The following LDAH variants were observed in gnomAD, a reference collection of about 807,000 sequenced individuals.
LDAH encodes the protein lipid droplet-associated hydrolase.
LDAH carries 26 observed loss-of-function variants against 29.6 expected under a neutral mutation model. That is an observed-to-expected ratio of 0.88 (90% CI 0.64 to 1.22). The LOEUF is 1.22. Ranked by LOEUF, LDAH falls within the 50% of genes most tolerant of loss-of-function variation. LDAH has a pLI of 0.00. For synonymous variants in LDAH, 117 were observed against 133.0 expected, an observed-to-expected ratio of 0.88 and a Z score of 0.83; for missense variants, 344 against 387.3, an observed-to-expected ratio of 0.89 and a Z score of 0.94.
chr2:20,713,876 T>C (rs1238020781), intron 5 of LDAH, among the ~76,000 whole-genome samples: 4 of 152,136 alleles, frequency 2.6e-5, no homozygotes, highest in African/African-American at 9.7e-5. Context: ...CCTAGATTCA[T>C]AAAGGAAGTC....
At chr2:20,726,560 G>A (rs1666030017) in intron 5 of LDAH, among the ~76,000 whole-genome samples, 1 of 152,070 alleles carries the variant, frequency 6.6e-6, no homozygotes. Flanking sequence ...TTCTTCCAAG[G>A]GAAAATTCTT....
chr2:20,735,331 C>G (rs1400416731), intron 5 of LDAH, among the ~76,000 whole-genome samples: 1 of 152,066 alleles, frequency 6.6e-6, no homozygotes, highest in East Asian at 1.9e-4. Context: ...TATTTTCTCT[C>G]TATTGGATAA....
At chr2:20,738,253 AAATAATAATAATAATAAT>A (rs3047714) in intron 5 of LDAH, among the ~76,000 whole-genome samples, 6 of 141,798 alleles carry the variant, frequency 4.2e-5, no homozygotes, top group African/African-American at 1.4e-4. Flanking sequence ...TTCCATCTCA[AAATAATAATAATAATAAT>A]AATAATAATA....
At position 20,685,736 on chromosome 2, in the gene LDAH, G is replaced by C; in HGVS notation, c.*1167C>G. 6.7e-7 allele frequency: 1 copy of C among 1,483,064 alleles called. No individual in the cohort carries two copies. Among genetic ancestry groups the C allele is most frequent in the Non-Finnish European group, 9.0e-7 (1 of 1,113,826 alleles). 91.9% of individuals were successfully genotyped at this position (1,483,064 alleles called of 1,614,324 possible). ...GGTTCTCAAGATTGAGTCAATTTAG[G>C]GGAGGCAGCAATATTGTCAGCCCAC... On this transcript the variant is annotated 3_prime_UTR_variant, in exon 7 of 7. Transcript: ENST00000237822.
chr2:20,752,747 C>G (rs1668052995), intron 4 of LDAH, among the ~76,000 whole-genome samples: 1 of 152,206 alleles, frequency 6.6e-6, no homozygotes, highest in Admixed American at 6.5e-5. Flanking sequence ...TATCACTGGG[C>G]TGAAATAAAG....
chr2:20,736,215 G>C (rs1245411232), intron 5 of LDAH, among the ~76,000 whole-genome samples: 1 of 152,172 alleles, frequency 6.6e-6, no homozygotes, highest in Non-Finnish European at 1.5e-5. Context: ...GCCAAGGCAG[G>C]TGGATCACCT....
At position 20,740,049 on chromosome 2, in the gene LDAH, G is replaced by T; in HGVS notation, c.625C>A (p.Leu209Ile). 6.2e-7 allele frequency: 1 copy of T among 1,614,108 alleles called. No individual in the cohort carries two copies. The highest frequency in any genetic ancestry group is 8.5e-7 in the Non-Finnish European group (1 of 1,179,972). Residue 209 changes from leucine (L) to isoleucine (I), a missense_variant, in exon 5 of 7, where the codon CTA becomes ATA. Physicochemically the swap from Leu to Ile is conservative, Grantham distance 5 (BLOSUM62 2). Coordinates refer to ENST00000237822, the MANE Select transcript of LDAH (RefSeq NM_021925.4). ...ATTACTTGAAGGCCCCTTCTGATTA[G>T]CAAGGACTTGATTGTCTCAGGACAC... ...KPCPETIKSL[L>I]IRRGLQVMNL...
intron 6 of LDAH, among the ~76,000 whole-genome samples, chr2:20,695,035 C>A (rs1663334591): frequency 6.6e-6 from 1 of 152,226 alleles, no homozygotes; most frequent in Admixed American, 6.5e-5. Flanking sequence ...GATCTGTGCC[C>A]CAAGAAGGGG....
chr2:20,685,458 T>A lies in LDAH; in HGVS notation c.*1445A>T, dbSNP rs566863593. 3 of 1,497,564 alleles carry A rather than the reference T, an allele frequency of 2.0e-6. No homozygotes were observed. The African/African-American group carries it at 4.2e-5, about 21-fold the overall frequency. 92.8% of individuals were successfully genotyped at this position (1,497,564 alleles called of 1,614,324 possible). ...CTTCCCCTTGGGCTAACAGCACTCC[T>A]TGTCTGGAGCTTGGCTTTTCCCCTC... is the stretch of plus-strand genomic sequence containing the variant. On this transcript the variant is annotated 3_prime_UTR_variant, in exon 7 of 7. Coordinates refer to ENST00000237822, the MANE Select transcript of LDAH (RefSeq NM_021925.4).
At chr2:20,699,256 C>T (rs548475456) in intron 6 of LDAH, among the ~76,000 whole-genome samples, 2 of 152,160 alleles carry the variant, frequency 1.3e-5, no homozygotes, top group African/African-American at 4.8e-5. Context: ...AAAGAGTATC[C>T]TCGATTAAGA....
chr2:20,718,987 T>C (rs1395366307), intron 5 of LDAH, among the ~76,000 whole-genome samples: 2 of 151,760 alleles, frequency 1.3e-5, no homozygotes, highest in Non-Finnish European at 2.9e-5. Context: ...AAACACAATA[T>C]ACCAGAACCT....
intron 4 of LDAH, among the ~76,000 whole-genome samples, chr2:20,756,445 A>G (rs1317000964): frequency 1.3e-5 from 2 of 152,176 alleles, no homozygotes; most frequent in Non-Finnish European, 2.9e-5. Context: ...TGAAGAAAGG[A>G]ATTCAGAATG....
intron 1 of LDAH, among the ~76,000 whole-genome samples, chr2:20,821,883 T>C (rs1006871410): frequency 4.6e-5 from 7 of 152,240 alleles, no homozygotes. Flanking sequence ...TTGCCCTGAT[T>C]ATCCCCCTAG....
At chr2:20,718,177 T>C (rs770358691) in intron 5 of LDAH, among the ~76,000 whole-genome samples, 44 of 152,128 alleles carry the variant, frequency 2.9e-4, no homozygotes, top group Admixed American at 7.9e-4. Context: ...AATAATAACA[T>C]TGAATGTAAA....
chr2:20,731,153 G>A (rs908996974), intron 5 of LDAH, among the ~76,000 whole-genome samples: 1 of 152,304 alleles, frequency 6.6e-6, no homozygotes, highest in African/African-American at 2.4e-5. Flanking sequence ...CATCTGATAT[G>A]GTTTGGATTT....
In LDAH at chr2:20,698,478, A is replaced by G. The variant is rs971286920; in HGVS notation, c.786+3092T>C. ...GCCGAGGCCGGTAAATCACAAGGTC[A>G]GGAGTTTGAGACCAGCCTGACCAAC... On this transcript the variant is annotated intron_variant, in intron 6 of 6. Coordinates refer to ENST00000237822, the MANE Select transcript of LDAH (RefSeq NM_021925.4). The surrounding 1 kb of genome is among the most constrained non-coding windows in gnomAD (Gnocchi z 4.4). Among the ~76,000 whole-genome samples, 1 of 152,174 alleles carries G rather than the reference A, an allele frequency of 6.6e-6. No homozygotes were observed. Among genetic ancestry groups the G allele is most frequent in the African/African-American group, 2.4e-5 (1 of 41,430 alleles).
chr2:20,800,768 G>C (rs963502469), intron 2 of LDAH, among the ~76,000 whole-genome samples: 85 of 152,170 alleles, frequency 5.6e-4, no homozygotes, highest in African/African-American at 2.0e-3. Context: ...CGAGTAGCTG[G>C]GACTATAGGC....
At chr2:20,722,504 A>T (rs1420556090) in intron 5 of LDAH, among the ~76,000 whole-genome samples, 1 of 152,162 alleles carries the variant, frequency 6.6e-6, no homozygotes, top group East Asian at 1.9e-4. Context: ...ACAAAAACAG[A>T]ATCAGATATA....
chr2:20,722,377 CAAAAA>C (rs141440507), intron 5 of LDAH, among the ~76,000 whole-genome samples: 2 of 70,834 alleles, frequency 2.8e-5, no homozygotes, highest in Admixed American at 1.8e-4. Context: ...GAAACTGTCT[CAAAAA>C]AAAAAAAAAA....
Sources: gnomAD v4.1 joint callset for allele counts (sites outside exome capture counted in the v4.1 genomes callset) on GRCh38, gnomAD v4.1.1 for gene constraint, Gnocchi (gnomAD v3.1) non-coding constraint, MANE v1.5 for transcripts, NCBI Gene and HGNC (gene_info 2026-07-23, HGNC 2026-07-21) for gene names.